TBXAS1: variants seen among roughly 807,000 people sequenced by gnomAD.
TBXAS1 encodes thromboxane A synthase 1.
Under a neutral mutation model 60.7 loss-of-function variants are expected in TBXAS1, and 48 were observed. The observed-to-expected ratio is 0.79, with a 90% confidence interval of 0.63 to 1.01. The LOEUF (loss-of-function observed/expected upper bound fraction) is 1.01, where lower values mean the gene tolerates loss of function less well. Ranked by LOEUF, TBXAS1 falls within the 50% of genes least tolerant of loss-of-function variation. TBXAS1 has a pLI of 0.00. For missense variants in TBXAS1, 685 were observed against 686.3 expected, an observed-to-expected ratio of 1.00 and a Z score of 0.02; for synonymous variants, 287 against 269.7, an observed-to-expected ratio of 1.06 and a Z score of -0.63.
At chr7:139,816,596 T>G (rs562966334) in intron 4 of TBXAS1, among the ~76,000 whole-genome samples, 24 of 152,282 alleles carry the variant, frequency 1.6e-4, no homozygotes, top group African/African-American at 5.3e-4. Context: ...ACCAGCAGCA[T>G]CAGCATCACC....
rs117792276 is a variant in TBXAS1, at chr7:139,986,165, C to G, written c.1135-20926C>G. Among the ~76,000 whole-genome samples, 861 of 152,310 alleles carry G rather than the reference C, an allele frequency of 5.7e-3. 8 individuals carry two copies. The highest frequency in any genetic ancestry group is 0.013 in the South Asian group (64 of 4,828). Reference sequence around the variant, plus strand: ...AGGTAGTGAATGTTTGTTGAGTTCTCTCTATGCGCTAGTGTTATTCTAAGT... The same window carrying G: ...AGGTAGTGAATGTTTGTTGAGTTCTGTCTATGCGCTAGTGTTATTCTAAGT... On this transcript the variant is annotated intron_variant, in intron 9 of 12. Transcript: ENST00000448866.
chr7:139,805,708 T>TCTCTCTCTCTC (rs1569492504), intron 4 of TBXAS1, among the ~76,000 whole-genome samples: 1 of 21,148 alleles, frequency 4.7e-5, no homozygotes, highest in Non-Finnish European at 1.0e-4. Flanking sequence ...CTTTCTTTCT[T>TCTCTCTCTCTC]TCTTTCTCTC....
intron 4 of TBXAS1, among the ~76,000 whole-genome samples, chr7:139,811,682 C>T (rs1006713362): frequency 6.6e-6 from 1 of 152,178 alleles, no homozygotes; most frequent in Non-Finnish European, 1.5e-5. Flanking sequence ...ACATGAGTGA[C>T]TAACCCTAAA....
intron 9 of TBXAS1, among the ~76,000 whole-genome samples, chr7:139,988,763 C>A (rs1044769801): frequency 6.6e-6 from 1 of 152,196 alleles, no homozygotes; most frequent in African/African-American, 2.4e-5. Context: ...TCCCACCACA[C>A]CTCCAATCAA....
At chr7:139,849,418 C>G (rs1376949477) in intron 1 of TBXAS1, among the ~76,000 whole-genome samples, 2 of 151,766 alleles carry the variant, frequency 1.3e-5, no homozygotes, top group Admixed American at 1.3e-4. Flanking sequence ...AAACAACCCA[C>G]CAAAAAACAG....
chr7:139,966,368 G>C (rs959983053), intron 9 of TBXAS1, among the ~76,000 whole-genome samples: 4 of 152,210 alleles, frequency 2.6e-5, no homozygotes, highest in African/African-American at 9.6e-5. Flanking sequence ...ACTCAGCCCA[G>C]ATTGTCTCAG....
chr7:139,957,566 C>G, intron 7 of TBXAS1, 68 bp from the exon 8 acceptor site: 1 of 1,609,652 alleles, frequency 6.2e-7, no homozygotes, highest in Non-Finnish European at 8.5e-7. Flanking sequence ...TTCCCGGGAA[C>G]AGGCGTCTAA....
chr7:140,010,756 C>T lies in TBXAS1; in HGVS notation c.1226+3574C>T, dbSNP rs892920400. Among the ~76,000 whole-genome samples the T allele has an allele frequency of 7.2e-5, 11 of 152,142 alleles. 1 individual carries two copies. Among genetic ancestry groups the T allele is most frequent in the Admixed American group, 3.9e-4 (6 of 15,288 alleles). ...CTGTTCCTGTCTGTTACATGAAAGG[C>T]TCATAACAGAGAGGGAGCAGCAAGA... On this transcript the variant is annotated intron_variant, in intron 10 of 12. Transcript: ENST00000448866.
At chr7:139,932,121 C>G (rs929795295) in intron 4 of TBXAS1, among the ~76,000 whole-genome samples, 1 of 145,664 alleles carries the variant, frequency 6.9e-6, no homozygotes, top group Non-Finnish European at 1.5e-5. Context: ...GATCCAAGAT[C>G]GCACCATTGC....
chr7:139,824,824 C>CTTTTTTT (rs55876303), upstream of TBXAS1, among the ~76,000 whole-genome samples: 2 of 127,102 alleles, frequency 1.6e-5, no homozygotes, highest in African/African-American at 3.2e-5. Context: ...TTTTCTTTTC[C>CTTTTTTT]TTTTCTTTTT....
At chr7:139,992,028 C>T (rs1038400816) in intron 9 of TBXAS1, among the ~76,000 whole-genome samples, 1 of 152,162 alleles carries the variant, frequency 6.6e-6, no homozygotes, top group African/African-American at 2.4e-5. Context: ...ATGGAATGGC[C>T]TTTCTCTCCC....
At position 139,817,555 on chromosome 7, in the gene TBXAS1, A is replaced by G. The variant is rs1159175028; in HGVS notation, c.-79-11757A>G. On this transcript the variant is annotated intron_variant, in intron 4 of 16. Coordinates refer to the TBXAS1 transcript ENST00000336425. ...TAAAATTAGAGCCCATAAACCCGGAACAGGTACAGGCAGCCACGGGGTGTC... is the reference window on the plus strand; with the variant it reads ...TAAAATTAGAGCCCATAAACCCGGAGCAGGTACAGGCAGCCACGGGGTGTC... Among the ~76,000 whole-genome samples, 5 of 152,208 alleles carry G rather than the reference A, an allele frequency of 3.3e-5. No homozygotes were observed. The East Asian group carries it at 9.6e-4, about 29-fold the overall frequency.
chr7:139,899,514 T>C (rs548086156), intron 3 of TBXAS1, among the ~76,000 whole-genome samples: 13 of 152,344 alleles, frequency 8.5e-5, no homozygotes, highest in African/African-American at 3.1e-4. Context: ...AAACAAGTGG[T>C]TATTTTTGTC....
At chr7:140,006,405 C>T (rs1189939582) in intron 9 of TBXAS1, among the ~76,000 whole-genome samples, 2 of 152,148 alleles carry the variant, frequency 1.3e-5, no homozygotes, top group African/African-American at 2.4e-5. Flanking sequence ...ATTTGCACCC[C>T]CTGAAATCTA....
chr7:139,920,986 C>A (rs1806423797), intron 4 of TBXAS1, among the ~76,000 whole-genome samples: 1 of 152,198 alleles, frequency 6.6e-6, no homozygotes, highest in Non-Finnish European at 1.5e-5. Flanking sequence ...AAATTTTAAA[C>A]CTAAATATGA....
intron 3 of TBXAS1, among the ~76,000 whole-genome samples, chr7:139,909,168 C>T (rs574908637): frequency 6.6e-6 from 1 of 152,122 alleles, no homozygotes; most frequent in Non-Finnish European, 1.5e-5. Context: ...TTGGGTTCAT[C>T]TGAGTTGAGA....
intron 1 of TBXAS1, among the ~76,000 whole-genome samples, chr7:139,858,041 G>A (rs1800705456): frequency 6.6e-6 from 1 of 152,192 alleles, no homozygotes; most frequent in African/African-American, 2.4e-5. Flanking sequence ...GCCTTGGGCT[G>A]AATTTTCTTG....
At chr7:139,883,232 ACT>A (rs151142414) in intron 3 of TBXAS1, among the ~76,000 whole-genome samples, 5,074 of 152,088 alleles carry the variant, frequency 0.033, 258 homozygotes, top group African/African-American at 0.12. Context: ...CCATTAATAG[ACT>A]CTTCACCCTT....
intron 8 of TBXAS1, among the ~76,000 whole-genome samples, chr7:139,960,099 A>G (rs944160789): frequency 3.9e-5 from 6 of 152,190 alleles, no homozygotes; most frequent in Non-Finnish European, 8.8e-5. Context: ...CTCAGCTATT[A>G]CAACCCAGCA....
Sources: allele counts gnomAD v4.1 joint callset (sites outside exome capture counted in the v4.1 genomes callset), GRCh38; gene constraint gnomAD v4.1.1; transcripts MANE v1.5; gene names NCBI Gene and HGNC (gene_info 2026-07-23, HGNC 2026-07-21).